The following STXBP5L variants were observed in gnomAD, a reference collection of about 807,000 sequenced individuals.
The protein encoded by STXBP5L is syntaxin-binding protein 5-like.
In STXBP5L, 65 loss-of-function variants were observed where a neutral mutation model predicts 144.5. The ratio of observed to expected loss-of-function variants is 0.45; its 90% confidence interval spans 0.37 to 0.55. The LOEUF (loss-of-function observed/expected upper bound fraction) is 0.55. Among genes scored for constraint, STXBP5L ranks in the 20% least tolerant of loss-of-function variants. The pLI, the probability that STXBP5L is intolerant of heterozygous loss-of-function variation, is 0.00. For missense variants in STXBP5L, 1,298 were observed against 1,405.5 expected (o/e 0.92, Z 1.22); for synonymous variants, 505 against 469.6 (o/e 1.08, Z -0.97).
chr3:121,399,285 G>T (rs1332778104), intron 22 of STXBP5L, among the ~76,000 whole-genome samples: 1 of 152,178 alleles, frequency 6.6e-6, no homozygotes, highest in Admixed American at 6.5e-5. Flanking sequence ...GTACTCGGGT[G>T]TCCTCCAGCT....
chr3:121,112,124 C>A lies in STXBP5L; in HGVS notation c.471-2801C>A, dbSNP rs150661959. 1.5e-3 allele frequency among the ~76,000 whole-genome samples: 232 copies of A among 152,058 alleles called. 2 individuals are homozygous for A. Among genetic ancestry groups the A allele is most frequent in the African/African-American group, 5.3e-3 (218 of 41,478 alleles). On this transcript the variant is annotated intron_variant, in intron 5 of 26. Coordinates refer to ENST00000471454, the MANE Select transcript of STXBP5L (RefSeq NM_001308330.2). ...AGAATGGAGCTGCATTTATGGCTGC[C>A]ACCCCTCCCCCCAGGACTCAGTCAT...
intron 20 of STXBP5L, among the ~76,000 whole-genome samples, chr3:121,370,916 T>C (rs2046009965): frequency 1.3e-5 from 2 of 152,230 alleles, no homozygotes; most frequent in Non-Finnish European, 2.9e-5. Flanking sequence ...TATTATTTTA[T>C]TGTGATTCTT....
At chr3:121,196,898 G>A (rs1218461007) in intron 9 of STXBP5L, among the ~76,000 whole-genome samples, 1 of 152,026 alleles carries the variant, frequency 6.6e-6, no homozygotes, top group Admixed American at 6.6e-5. Context: ...GCCCAGTCTG[G>A]TCTCAATACC....
intron 5 of STXBP5L, among the ~76,000 whole-genome samples, chr3:121,076,751 A>G (rs2042034129): frequency 6.6e-6 from 1 of 152,148 alleles, no homozygotes; most frequent in African/African-American, 2.4e-5. Context: ...ATCACCATTA[A>G]AACCTTTTTT....
chr3:121,082,027 G>A (rs2042270224), intron 5 of STXBP5L, among the ~76,000 whole-genome samples: 1 of 152,136 alleles, frequency 6.6e-6, no homozygotes, highest in African/African-American at 2.4e-5. Flanking sequence ...TAACCATACA[G>A]TAAGCTTTAA....
At chr3:120,922,453 A>G (rs1709403457) in intron 2 of STXBP5L, among the ~76,000 whole-genome samples, 1 of 151,510 alleles carries the variant, frequency 6.6e-6, no homozygotes, top group Non-Finnish European at 1.5e-5. Flanking sequence ...ATACCCCTTT[A>G]TTTTTTTCTC....
chr3:121,143,481 T>C (rs1028894288), intron 7 of STXBP5L, among the ~76,000 whole-genome samples: 1 of 151,874 alleles, frequency 6.6e-6, no homozygotes, highest in African/African-American at 2.4e-5. Context: ...TCATGCATCA[T>C]GATCAAGTGG....
intron 5 of STXBP5L, among the ~76,000 whole-genome samples, chr3:121,058,794 A>G (rs915602586): frequency 1.3e-5 from 2 of 151,974 alleles, no homozygotes; most frequent in African/African-American, 4.8e-5. Context: ...GTGTCTGTTC[A>G]TATCCTTTGC....
intron 7 of STXBP5L, among the ~76,000 whole-genome samples, chr3:121,137,051 G>A (rs926646441): frequency 1.3e-5 from 2 of 152,144 alleles, no homozygotes; most frequent in African/African-American, 4.8e-5. Context: ...ACAAAGAAGG[G>A]AACAGTAGAC....
At chr3:121,294,017 T>A (rs754850286) in intron 19 of STXBP5L, among the ~76,000 whole-genome samples, 3 of 152,224 alleles carry the variant, frequency 2.0e-5, no homozygotes, top group Non-Finnish European at 4.4e-5. Context: ...AAGGACAAGA[T>A]CATAAAAGCT....
intron 18 of STXBP5L, among the ~76,000 whole-genome samples, chr3:121,263,268 G>A (rs546155782): frequency 2.0e-5 from 3 of 152,234 alleles, no homozygotes; most frequent in South Asian, 4.1e-4. Flanking sequence ...GAAAAAAATA[G>A]CATCAACATC....
intron 1 of STXBP5L, among the ~76,000 whole-genome samples, chr3:120,908,929 C>A (rs573630131): frequency 1.8e-4 from 28 of 152,004 alleles, no homozygotes; most frequent in Non-Finnish European, 2.8e-4. Context: ...CTCCTCCCCC[C>A]CTCCCCGGCA....
At chr3:121,078,468 A>C (rs1576876071) in intron 5 of STXBP5L, among the ~76,000 whole-genome samples, 2 of 152,224 alleles carry the variant, frequency 1.3e-5, no homozygotes, top group South Asian at 2.1e-4. Context: ...CGCTGTCGTC[A>C]CCCAGTGGAT....
chr3:121,356,285 G>T (rs910659903), intron 20 of STXBP5L, among the ~76,000 whole-genome samples: 4 of 152,228 alleles, frequency 2.6e-5, no homozygotes, highest in Non-Finnish European at 5.9e-5. Flanking sequence ...GTTCAGCTAA[G>T]CCCTGCCCAC....
chr3:121,191,233 A>G (rs1436432879), intron 9 of STXBP5L, among the ~76,000 whole-genome samples: 1 of 152,134 alleles, frequency 6.6e-6, no homozygotes, highest in Non-Finnish European at 1.5e-5. Flanking sequence ...ACGCCACTGC[A>G]CTCCAGCCTG....
At chr3:121,316,564 G>A (rs1001359462) in intron 19 of STXBP5L, among the ~76,000 whole-genome samples, 7 of 152,050 alleles carry the variant, frequency 4.6e-5, no homozygotes, top group African/African-American at 1.7e-4. Flanking sequence ...CTGTATGATG[G>A]GGTTAATATT....
chr3:121,102,090 A>C (rs929956567), intron 5 of STXBP5L, among the ~76,000 whole-genome samples: 2 of 152,140 alleles, frequency 1.3e-5, no homozygotes, highest in African/African-American at 4.8e-5. Flanking sequence ...AAAATATTTC[A>C]TGCTTATGGA....
At chr3:121,192,641 A>T (rs1201725489) in intron 9 of STXBP5L, among the ~76,000 whole-genome samples, 1 of 152,248 alleles carries the variant, frequency 6.6e-6, no homozygotes. Context: ...CCAATGGAAC[A>T]GAACAGAGGC....
chr3:121,110,430 A>C (rs1027944129), intron 5 of STXBP5L, among the ~76,000 whole-genome samples: 4 of 152,204 alleles, frequency 2.6e-5, no homozygotes, highest in African/African-American at 9.6e-5. Context: ...TGGTGGTGAC[A>C]AATTCTCTCA....
Sources: gnomAD v4.1 joint callset for allele counts (sites outside exome capture counted in the v4.1 genomes callset) on GRCh38, gnomAD v4.1.1 for gene constraint, MANE v1.5 for transcripts, NCBI Gene and HGNC (gene_info 2026-07-23, HGNC 2026-07-21) for gene names.